Variants in PSD3 observed in about 807,000 individuals in gnomAD.
The protein encoded by PSD3 is pleckstrin and Sec7 domain containing 3, also known as PH and SEC7 domain-containing protein 3.
PSD3 carries 49 observed loss-of-function variants against 105.5 expected under a neutral mutation model. That is an observed-to-expected ratio of 0.46 (90% CI 0.37 to 0.59). The LOEUF (loss-of-function observed/expected upper bound fraction) is 0.59, where lower values mean the gene tolerates loss of function less well. PSD3 is among the 20% of genes least tolerant of loss of function. The pLI, the probability that PSD3 is intolerant of heterozygous loss-of-function variation, is 0.00. For missense variants in PSD3, 1,561 were observed against 1,263.8 expected, an observed-to-expected ratio of 1.24 and a Z score of -3.57; for synonymous variants, 557 against 457.8, an observed-to-expected ratio of 1.22 and a Z score of -2.77.
At chr8:18,692,946 C>A (rs1434021958) in intron 9 of PSD3, among the ~76,000 whole-genome samples, 8 of 152,154 alleles carry the variant, frequency 5.3e-5, no homozygotes, top group African/African-American at 1.7e-4. Context: ...AAATTCACTA[C>A]CGGGGGTAGA....
chr8:19,008,336 CA>C lies in PSD3; in HGVS notation c.21+5226del, dbSNP rs1268948322. Among the ~76,000 whole-genome samples, 13 of 152,308 alleles carry C rather than the reference CA, an allele frequency of 8.5e-5. No individual in the cohort carries two copies. The East Asian group carries it at 2.5e-3, about 29-fold the overall frequency. ...ACTCACTACTTGCACCTTGTAGGGA[CA>C]TGAAGGCAGAGTCAGAGGAGACACT... On this transcript the variant is annotated intron_variant, in intron 1 of 15. Transcript: ENST00000327040.
chr8:18,685,414 CA>C (rs1007255778), intron 9 of PSD3, among the ~76,000 whole-genome samples: 1 of 150,770 alleles, frequency 6.6e-6, no homozygotes, highest in African/African-American at 2.4e-5. Flanking sequence ...ATATCCTTTA[CA>C]TTTTTTTTTT....
intron 9 of PSD3, among the ~76,000 whole-genome samples, chr8:18,687,682 C>G (rs28516079): frequency 0.01 from 1,579 of 152,138 alleles, 25 homozygotes; most frequent in African/African-American, 0.036. Flanking sequence ...TGTGTGTCCA[C>G]GTGCGTGTGT....
At chr8:18,953,270 G>A (rs756495082) in intron 1 of PSD3, among the ~76,000 whole-genome samples, 6 of 152,066 alleles carry the variant, frequency 3.9e-5, no homozygotes, top group Middle Eastern at 3.4e-3. Flanking sequence ...TAATGGTGAC[G>A]CGGCATGTTC....
At chr8:18,947,508 C>T (rs939035765) in intron 1 of PSD3, among the ~76,000 whole-genome samples, 17 of 152,134 alleles carry the variant, frequency 1.1e-4, no homozygotes, top group Admixed American at 2.0e-4. Context: ...AAGGGGAAGC[C>T]GGGGTTCTGC....
At chr8:18,591,765 G>T (rs73582026) in intron 12 of PSD3, among the ~76,000 whole-genome samples, 3,372 of 152,244 alleles carry the variant, frequency 0.022, 132 homozygotes, top group African/African-American at 0.078. Flanking sequence ...CTGATTCAGG[G>T]AACTGATGGC....
At chr8:18,617,368 T>A (rs1026314652) in intron 11 of PSD3, among the ~76,000 whole-genome samples, 9 of 151,964 alleles carry the variant, frequency 5.9e-5, no homozygotes, top group Non-Finnish European at 1.3e-4. Flanking sequence ...CCATCTCTAC[T>A]AAAAATTCCA....
At chr8:18,559,722 T>G (rs1276183815) in intron 14 of PSD3, among the ~76,000 whole-genome samples, 4 of 152,202 alleles carry the variant, frequency 2.6e-5, no homozygotes, top group Admixed American at 2.6e-4. Context: ...ATCTTGAATA[T>G]TCAAATGTCT....
rs117515826 is a variant in PSD3 at position 18,686,226 on chromosome 8, T to C, written c.2173-30541A>G. 3.3e-4 allele frequency among the ~76,000 whole-genome samples: 51 copies of C among 152,322 alleles called. 1 individual carries two copies. In the East Asian group the frequency reaches 9.1e-3, roughly 27 times the overall value. On this transcript the variant is annotated intron_variant, in intron 9 of 15. Coordinates refer to ENST00000327040, the MANE Select transcript of PSD3 (RefSeq NM_015310.4). ...ATCGATCTGTTTAACACCTAATACC[T>C]TACAGAAGCCACTTGTTCTCTTGTT...
intron 1 of PSD3, among the ~76,000 whole-genome samples, chr8:19,064,598 C>A (rs1829015741): frequency 6.6e-6 from 1 of 152,132 alleles, no homozygotes; most frequent in Non-Finnish European, 1.5e-5. Flanking sequence ...CGCTGCTCAG[C>A]AGATTAATCT....
At chr8:18,761,182 A>G (rs754535340) in intron 9 of PSD3, among the ~76,000 whole-genome samples, 1 of 152,196 alleles carries the variant, frequency 6.6e-6, no homozygotes, top group Non-Finnish European at 1.5e-5. Flanking sequence ...TTAACAAGGT[A>G]AAAAGGTAAG....
chr8:18,714,778 G>A (rs774708079), intron 9 of PSD3, among the ~76,000 whole-genome samples: 2 of 152,184 alleles, frequency 1.3e-5, no homozygotes, highest in Non-Finnish European at 2.9e-5. Context: ...TCCCATTACT[G>A]GGTATATACC....
chr8:18,668,372 G>A (rs898912076), intron 9 of PSD3, among the ~76,000 whole-genome samples: 1 of 152,180 alleles, frequency 6.6e-6, no homozygotes, highest in African/African-American at 2.4e-5. Flanking sequence ...TTCTGACGCT[G>A]CGATGATGTT....
intron 4 of PSD3, among the ~76,000 whole-genome samples, chr8:18,809,564 C>A (rs1419765211): frequency 6.6e-6 from 1 of 152,200 alleles, no homozygotes; most frequent in Non-Finnish European, 1.5e-5. Flanking sequence ...AAATACTGCA[C>A]AGGACATACT....
At chr8:18,750,253 A>C (rs1805363411) in intron 9 of PSD3, among the ~76,000 whole-genome samples, 1 of 152,194 alleles carries the variant, frequency 6.6e-6, no homozygotes, top group South Asian at 2.1e-4. Context: ...TGAGTGCTAC[A>C]GCTCTTAAGG....
intron 1 of PSD3, among the ~76,000 whole-genome samples, chr8:18,958,267 T>G (rs569922750): frequency 3.9e-5 from 6 of 152,236 alleles, no homozygotes; most frequent in Non-Finnish European, 8.8e-5. Flanking sequence ...TAATTATGTA[T>G]GCACACAAAC....
chr8:18,918,940 T>C (rs570413729), intron 2 of PSD3, among the ~76,000 whole-genome samples: 1 of 152,266 alleles, frequency 6.6e-6, no homozygotes, highest in African/African-American at 2.4e-5. Flanking sequence ...AATAATCCTC[T>C]AAAGCTTGGC....
chr8:18,692,347 C>T (rs1009375814), intron 9 of PSD3, among the ~76,000 whole-genome samples: 1 of 152,078 alleles, frequency 6.6e-6, no homozygotes, highest in Non-Finnish European at 1.5e-5. Context: ...AAGAGAATCA[C>T]AAGGTACTGC....
intron 12 of PSD3, among the ~76,000 whole-genome samples, chr8:18,586,044 C>A (rs1052602150): frequency 1.8e-4 from 28 of 152,100 alleles, no homozygotes; most frequent in Admixed American, 1.6e-3. Flanking sequence ...TAACAAAGCT[C>A]TTACTTTAAT....
Sources: allele counts gnomAD v4.1 joint callset (sites outside exome capture counted in the v4.1 genomes callset), GRCh38; gene constraint gnomAD v4.1.1; transcripts MANE v1.5; gene names NCBI Gene and HGNC (gene_info 2026-07-23, HGNC 2026-07-21).